Variants in PCDH15 observed in about 807,000 individuals in gnomAD.
PCDH15 encodes the protein protocadherin-15.
A neutral mutation model predicts 178.5 loss-of-function variants in PCDH15; 129 were observed. The observed-to-expected ratio is 0.72, with a 90% CI of 0.63 to 0.84. The LOEUF (loss-of-function observed/expected upper bound fraction) is 0.84, where lower values mean the gene tolerates loss of function less well. Ranked by LOEUF, PCDH15 falls within the 40% of genes least tolerant of loss-of-function variation. The pLI, the probability that PCDH15 is intolerant of heterozygous loss-of-function variation, is 0.00. For missense variants in PCDH15, 2,230 were observed against 2,099.9 expected (o/e 1.06, Z -1.21); for synonymous variants, 800 against 732.0 (o/e 1.09, Z -1.50).
intron 5 of PCDH15, among the ~76,000 whole-genome samples, chr10:54,366,013 G>A (rs373054772): frequency 1.3e-5 from 2 of 152,150 alleles, no homozygotes; most frequent in Non-Finnish European, 1.5e-5. Context: ...GTAAAATAAG[G>A]TACATGAAAG....
At chr10:54,342,895 C>T (rs1006368313) in intron 6 of PCDH15, among the ~76,000 whole-genome samples, 1 of 152,134 alleles carries the variant, frequency 6.6e-6, no homozygotes, top group Non-Finnish European at 1.5e-5. Context: ...CCTGTGGTGC[C>T]TTTATTTGGG....
intron 2 of PCDH15, among the ~76,000 whole-genome samples, chr10:55,022,151 T>C (rs796765675): frequency 2.0e-5 from 3 of 152,032 alleles, no homozygotes; most frequent in African/African-American, 7.2e-5. Flanking sequence ...TAATGATATA[T>C]CGTATTATTC....
At chr10:53,913,370 T>C (rs2083266201) in intron 25 of PCDH15, among the ~76,000 whole-genome samples, 1 of 151,852 alleles carries the variant, frequency 6.6e-6, no homozygotes, top group Non-Finnish European at 1.5e-5. Flanking sequence ...CACTGAGGAC[T>C]TAGGCATGAC....
At chr10:54,718,302 C>T (rs779554218) in intron 1 of PCDH15, among the ~76,000 whole-genome samples, 21 of 152,038 alleles carry the variant, frequency 1.4e-4, no homozygotes, top group Non-Finnish European at 2.8e-4. Context: ...CACAAGTCAA[C>T]AGACAAGTCA....
intron 33 of PCDH15, 40 bp downstream of exon 33, chr10:53,820,125 A>C: frequency 2.5e-6 from 1 of 397,268 alleles, no homozygotes. Context: ...TAGCTTAGAA[A>C]AGACACACTC....
intron 8 of PCDH15, among the ~76,000 whole-genome samples, chr10:54,297,637 G>C (rs902301931): frequency 6.6e-6 from 1 of 152,078 alleles, no homozygotes; most frequent in African/African-American, 2.4e-5. Flanking sequence ...AATATCCAAA[G>C]GACCACAAAA....
intron 2 of PCDH15, among the ~76,000 whole-genome samples, chr10:54,987,777 T>G (rs1161362483): frequency 1.3e-5 from 2 of 151,932 alleles, no homozygotes; most frequent in Non-Finnish European, 2.9e-5. Context: ...TTCACCTGGG[T>G]AGATTGCAAA....
At chr10:53,972,690 A>G (rs931903306) in intron 21 of PCDH15, among the ~76,000 whole-genome samples, 1 of 152,382 alleles carries the variant, frequency 6.6e-6, no homozygotes, top group African/African-American at 2.4e-5. Context: ...CATGAAAAAA[A>G]TGCTCATCAT....
chr10:55,001,518 G>A (rs771133160), intron 2 of PCDH15, among the ~76,000 whole-genome samples: 1 of 152,122 alleles, frequency 6.6e-6, no homozygotes, highest in Admixed American at 6.5e-5. Flanking sequence ...CCAAGCCTCT[G>A]GGCAAGGCTG....
chr10:54,042,345 G>A (rs1400226916), intron 18 of PCDH15, among the ~76,000 whole-genome samples: 1 of 152,030 alleles, frequency 6.6e-6, no homozygotes, highest in African/African-American at 2.4e-5. Flanking sequence ...AACCTAAATA[G>A]GAATATGCTA....
intron 15 of PCDH15, among the ~76,000 whole-genome samples, chr10:54,103,639 C>G (rs1327960107): frequency 1.3e-5 from 2 of 152,174 alleles, no homozygotes; most frequent in African/African-American, 4.8e-5. Flanking sequence ...ACTCCCTAAG[C>G]CTTTAGATCC....
At chr10:54,941,942 C>T (rs1275135533) in intron 2 of PCDH15, among the ~76,000 whole-genome samples, 1 of 152,000 alleles carries the variant, frequency 6.6e-6, no homozygotes, top group Non-Finnish European at 1.5e-5. Flanking sequence ...TCAATGATTT[C>T]TCTGGTAAGC....
chr10:54,713,722 G>A (rs2095448678), intron 1 of PCDH15, among the ~76,000 whole-genome samples: 1 of 152,034 alleles, frequency 6.6e-6, no homozygotes, highest in Admixed American at 6.6e-5. Flanking sequence ...TGCCTGTAAG[G>A]TTGTATTACA....
At chr10:55,380,880 G>A (rs1837517471) in intron 2 of PCDH15, among the ~76,000 whole-genome samples, 1 of 152,108 alleles carries the variant, frequency 6.6e-6, no homozygotes, top group South Asian at 2.1e-4. Flanking sequence ...TAGATTTGAT[G>A]ACAAAAGTGA....
At chr10:54,907,160 A>G (rs577812877) in intron 2 of PCDH15, among the ~76,000 whole-genome samples, 6 of 152,260 alleles carry the variant, frequency 3.9e-5, no homozygotes, top group African/African-American at 1.4e-4. Flanking sequence ...ATTCAAATGT[A>G]TATATTTCTC....
At chr10:55,227,811 G>C (rs545531703) in intron 1 of PCDH15, among the ~76,000 whole-genome samples, 2 of 152,038 alleles carry the variant, frequency 1.3e-5, no homozygotes, top group African/African-American at 4.8e-5. Context: ...CAGAGGACGG[G>C]AGAAGGCAAT....
chr10:55,172,935 T>C (rs1031249602), intron 1 of PCDH15, among the ~76,000 whole-genome samples: 2 of 151,984 alleles, frequency 1.3e-5, no homozygotes, highest in African/African-American at 4.8e-5. Flanking sequence ...GCCTTTTAAA[T>C]GCAAAGGTCT....
At chr10:55,457,359 T>C (rs1224452237) in intron 2 of PCDH15, among the ~76,000 whole-genome samples, 1 of 152,080 alleles carries the variant, frequency 6.6e-6, no homozygotes, top group Admixed American at 6.6e-5. Flanking sequence ...TAAACATTGA[T>C]GTTACATGAT....
At chr10:54,941,009 T>C (rs1172296636) in intron 2 of PCDH15, among the ~76,000 whole-genome samples, 2 of 152,100 alleles carry the variant, frequency 1.3e-5, no homozygotes, top group Non-Finnish European at 2.9e-5. Context: ...TATTTACTTT[T>C]GATGTCATTG....
Sources: gnomAD v4.1 joint callset for allele counts (sites outside exome capture counted in the v4.1 genomes callset) on GRCh38, gnomAD v4.1.1 for gene constraint, MANE v1.5 for transcripts, NCBI Gene and HGNC (gene_info 2026-07-23, HGNC 2026-07-21) for gene names.